MGAT5B: variants seen among roughly 807,000 people sequenced by gnomAD.
MGAT5B encodes the protein alpha-1,6-mannosylglycoprotein 6-beta-N-acetylglucosaminyltransferase B.
A neutral mutation model predicts 95.1 loss-of-function variants in MGAT5B; 54 were observed. The ratio of observed to expected loss-of-function variants is 0.57; its 90% CI spans 0.46 to 0.71. MGAT5B has a LOEUF of 0.71. Ranked by LOEUF, MGAT5B falls within the 30% of genes least tolerant of loss-of-function variation. MGAT5B has a pLI of 0.00. For synonymous variants in MGAT5B, 464 were observed against 451.0 expected (o/e 1.03, Z -0.36); for missense variants, 935 against 1,088.6 (o/e 0.86, Z 1.99).
At position 76,939,029 on chromosome 17, in the gene MGAT5B, G is replaced by GTGTGT. The variant is rs1555600423; in HGVS notation, c.1584+886_1584+887insTGTGT. 1.4e-3 allele frequency among the ~76,000 whole-genome samples: 183 copies of GTGTGT among 128,254 alleles called. 1 individual carries two copies. Among genetic ancestry groups the GTGTGT allele is most frequent in the Middle Eastern group, 4.0e-3 (1 of 252 alleles). 84.1% of individuals were successfully genotyped at this position (128,254 alleles called of 152,430 possible). A position where few individuals can be genotyped will look rare whatever the true frequency, so the allele number is the denominator to read the frequency against. On this transcript the variant is annotated intron_variant, in intron 13 of 17. Transcript: ENST00000569840. ...AGCTTGTTTCCCAAGGCATCTTGGG[G>GTGTGT]GTGTGTGTGTGTGTGTGTGTGTGTG... is the stretch of plus-strand genomic sequence containing the variant.
Position 76,902,677 on chromosome 17 carries a change from G to T in MGAT5B, c.445+7G>T, listed in dbSNP as rs761985793. 2 of 1,545,110 alleles carry T rather than the reference G, an allele frequency of 1.3e-6. No homozygotes were observed. Among genetic ancestry groups the T allele is most frequent in the Admixed American group, 3.7e-5 (2 of 54,062 alleles). On this transcript the variant is annotated splice_region_variant and intron_variant, in intron 4 of 17. Coordinates refer to ENST00000569840, the MANE Select transcript of MGAT5B (RefSeq NM_001199172.2). ...CTGCTCCTGCACAGCAAGGGTGGGT[G>T]CCAGGGGGCGGGGGTACCCTCTACC...
At position 76,869,308 on chromosome 17, in the gene MGAT5B, C is replaced by T. The variant is rs1753295915; in HGVS notation, c.68+211C>T. 2.0e-5 allele frequency among the ~76,000 whole-genome samples: 3 copies of T among 151,918 alleles called. No individual in the cohort carries two copies. Among genetic ancestry groups the T allele is most frequent in the African/African-American group, 7.3e-5 (3 of 41,372 alleles). ...GGGTTGTGTTATTCGGGGACCTGTC[C>T]CGAGTTGGGCAGGGTTGGAGAGGAC... On this transcript the variant is annotated intron_variant, in intron 1 of 17. Coordinates refer to ENST00000569840, the MANE Select transcript of MGAT5B (RefSeq NM_001199172.2). This position sits in a 1 kb window ranked among gnomAD's most constrained non-coding sequence, Gnocchi z 7.0.
rs563847353 is a variant in MGAT5B, at chr17:76,937,999, G to A, written c.1440G>A (p.Lys480=). The part of the protein sequence containing the change: ...ASIWKLQGKE[K]FLGILNKYME... ...TCTTCTTTTTCCAGGGGAAGGAGAAGTTCCTGGGCATCCTGAACAAATACA... is the reference window on the plus strand; with the variant it reads ...TCTTCTTTTTCCAGGGGAAGGAGAAATTCCTGGGCATCCTGAACAAATACA... Residue 480 remains lysine (K), a synonymous_variant, in exon 13 of 18, where the codon AAG becomes AAA. Transcript: ENST00000569840. 1.9e-6 allele frequency: 3 copies of A among 1,613,634 alleles called. No individual in the cohort carries two copies. The highest frequency in any genetic ancestry group is 2.7e-5 in the African/African-American group (2 of 74,928).
In MGAT5B at chr17:76,916,906, G is replaced by A. The variant is rs1037124025; in HGVS notation, c.1026-8060G>A. ...CTGGAAGGAGCCACCCACGGGAAGGGTCAAACTCAGGGGTTCCCGCCTCTT... is the reference window on the plus strand; with the variant it reads ...CTGGAAGGAGCCACCCACGGGAAGGATCAAACTCAGGGGTTCCCGCCTCTT... On this transcript the variant is annotated intron_variant, in intron 8 of 17. Coordinates refer to ENST00000569840, the MANE Select transcript of MGAT5B (RefSeq NM_001199172.2). This position sits in a 1 kb window ranked among gnomAD's most constrained non-coding sequence, Gnocchi z 5.3. Among the ~76,000 whole-genome samples the A allele has an allele frequency of 6.6e-6, 1 of 152,158 alleles. No individual in the cohort carries two copies. The highest frequency in any genetic ancestry group is 1.5e-5 in the Non-Finnish European group (1 of 68,036).
At chr17:76,910,807 C>T (rs969603447) in intron 8 of MGAT5B, among the ~76,000 whole-genome samples, 1 of 152,200 alleles carries the variant, frequency 6.6e-6, no homozygotes, top group Admixed American at 6.5e-5. Context: ...GATGCCCTGG[C>T]CCTTGGTCCC....
rs368768491 is a variant in MGAT5B at position 76,910,306 on chromosome 17, G to A, written c.1025+4119G>A. ...CTGCCACCGGCTCCCTCTGAACAGAGAGCCTGGAATATGCATCGATGCTGT... is the reference window on the plus strand; with the variant it reads ...CTGCCACCGGCTCCCTCTGAACAGAAAGCCTGGAATATGCATCGATGCTGT... On this transcript the variant is annotated intron_variant, in intron 8 of 17. Coordinates refer to ENST00000569840, the MANE Select transcript of MGAT5B (RefSeq NM_001199172.2). Among the ~76,000 whole-genome samples, 31 of 152,364 alleles carry A rather than the reference G, an allele frequency of 2.0e-4. No individual in the cohort carries two copies. The South Asian group carries it at 4.6e-3, about 22-fold the overall frequency.
rs140471018 is a variant in MGAT5B, at chr17:76,904,329, C to G, written c.597C>G (p.Ile199Met). 1.2e-6 allele frequency: 2 copies of G among 1,607,490 alleles called. No homozygotes were observed. The highest frequency in any genetic ancestry group is 8.5e-7 in the Non-Finnish European group (1 of 1,177,324). ...GVDGTECSFL[I>M]YLSEVEWFCP... is the part of the protein sequence containing the mutation. ...ACGGCACCGAGTGCTCCTTCCTCAT[C>G]TACCTCAGTGAGGTCGAGTGGTTCT... Residue 199 changes from isoleucine to methionine, a missense_variant, in exon 6 of 18, where the codon ATC (isoleucine) becomes ATG (methionine). Around this residue, in one of 4 missense-constraint regions of MGAT5B, gnomAD observed 243 missense variants for 305.5 expected, o/e 0.80. Coordinates refer to ENST00000569840, the MANE Select transcript of MGAT5B (RefSeq NM_001199172.2).
At chr17:76,872,752 G>A (rs766678030) in intron 1 of MGAT5B, 99 bp from the exon 2 acceptor site, 8 of 1,602,492 alleles carry the variant, frequency 5.0e-6, no homozygotes, top group Non-Finnish European at 6.0e-6. Context: ...CTTCACTCAT[G>A]CACTCATTCG....
Position 76,904,243 on chromosome 17 carries a change from T to C in MGAT5B, c.520-9T>C, listed in dbSNP as rs1251518815. The C allele has an allele frequency of 6.2e-7, 1 of 1,602,460 alleles. No homozygotes were observed. The highest frequency in any genetic ancestry group is 1.1e-5 in the South Asian group (1 of 88,842). On this transcript the variant is annotated splice_polypyrimidine_tract_variant and intron_variant, in intron 5 of 17. Coordinates refer to ENST00000569840, the MANE Select transcript of MGAT5B (RefSeq NM_001199172.2). Reference sequence around the variant, plus strand: ...CGCAGCCCCCTGCCCAGCCTGGCCCTCTCTGCAGTGGATGCGTGCCCGCTG... The same window carrying C: ...CGCAGCCCCCTGCCCAGCCTGGCCCCCTCTGCAGTGGATGCGTGCCCGCTG...
chr17:76,897,703 TTCTTTCTTTC>T (rs1968127093), intron 3 of MGAT5B, among the ~76,000 whole-genome samples: 1 of 112,924 alleles, frequency 8.9e-6, no homozygotes, highest in African/African-American at 4.6e-5. Context: ...CTTTCTTTCT[TTCTTTCTTTC>T]TTTCTTTCTT....
At chr17:76,882,009 G>A (rs1967438150) in intron 2 of MGAT5B, 142 bp from the exon 3 acceptor site, 2 of 805,810 alleles carry the variant, frequency 2.5e-6, no homozygotes, top group Non-Finnish European at 3.8e-6. Context: ...TGCCTGGGAA[G>A]ATGGAGCTGA....
intron 3 of MGAT5B, among the ~76,000 whole-genome samples, chr17:76,899,859 T>G (rs1968242154): frequency 6.6e-6 from 1 of 151,956 alleles, no homozygotes; most frequent in Admixed American, 6.5e-5. Flanking sequence ...AGAACACTGG[T>G]TCTTGAAACA....
At position 76,902,549 on chromosome 17, in the gene MGAT5B, A is replaced by T; in HGVS notation, c.330-6A>T. The stretch of plus-strand genomic sequence containing the variant: ...CTGTGGCTCACCTCTGGCTTTTCCC[A>T]CTTAGGATGCCCCCTGGGGCCGGCC... On this transcript the variant is annotated splice_polypyrimidine_tract_variant and splice_region_variant and intron_variant, in intron 3 of 17. Coordinates refer to ENST00000569840, the MANE Select transcript of MGAT5B (RefSeq NM_001199172.2). The T allele has an allele frequency of 6.4e-7, 1 of 1,574,222 alleles. No homozygotes were observed. Among genetic ancestry groups the T allele is most frequent in the African/African-American group, 1.4e-5 (1 of 73,900 alleles).
intron 2 of MGAT5B, among the ~76,000 whole-genome samples, chr17:76,874,715 A>C (rs894939): frequency 0.3 from 45,074 of 151,794 alleles, 7,409 homozygotes; most frequent in East Asian, 0.53. Context: ...TAACTCACCT[A>C]CCCCATGGCT....
chr17:76,918,020 T>C lies in MGAT5B; in HGVS notation c.1026-6946T>C, dbSNP rs894948. ...GCTGGCAGCCAGCGGGGTGAGTGTG[T>C]GGTCTCCTCCAGCTCTCCTGGGAGC... On this transcript the variant is annotated intron_variant, in intron 8 of 17. Transcript: ENST00000569840. This position sits in a 1 kb window ranked among gnomAD's most constrained non-coding sequence, Gnocchi z 5.1. Among the ~76,000 whole-genome samples the C allele has an allele frequency of 0.39, 58,769 of 152,078 alleles. 13,143 individuals are homozygous for C. Among genetic ancestry groups the C allele is most frequent in the East Asian group, 0.7 (3,623 of 5,160 alleles).
intron 2 of MGAT5B, 119 bp from the exon 3 acceptor site, chr17:76,882,032 G>C: frequency 1.0e-6 from 1 of 999,798 alleles, no homozygotes. Flanking sequence ...CTGGGGTCTG[G>C]TGTTGGTTGG....
At position 76,948,889 on chromosome 17, in the gene MGAT5B, G is replaced by A. The variant is rs749244206; in HGVS notation, c.*51G>A. On this transcript the variant is annotated 3_prime_UTR_variant, in exon 18 of 18. Transcript: ENST00000569840. Reference sequence around the variant, plus strand: ...ACCCACGCTGGCTCTCTCCTGCCGCGGGAGAAAGCACCAGCAGGTTCTGAG... The same window carrying A: ...ACCCACGCTGGCTCTCTCCTGCCGCAGGAGAAAGCACCAGCAGGTTCTGAG... 6.1e-5 allele frequency: 92 copies of A among 1,503,918 alleles called. No individual in the cohort carries two copies. Among genetic ancestry groups the A allele is most frequent in the Non-Finnish European group, 7.7e-5 (86 of 1,120,132 alleles). The allele number at this position is 1,503,918 out of a possible 1,614,324, so 93.2% of individuals were successfully genotyped here.
At position 76,915,768 on chromosome 17, in the gene MGAT5B, T is replaced by TA. The variant is rs1393450749; in HGVS notation, c.1026-9193dup. 6.6e-6 allele frequency among the ~76,000 whole-genome samples: 1 copy of TA among 152,156 alleles called. No homozygotes were observed. Among genetic ancestry groups the TA allele is most frequent in the Non-Finnish European group, 1.5e-5 (1 of 68,006 alleles). On this transcript the variant is annotated intron_variant, in intron 8 of 17. Coordinates refer to ENST00000569840, the MANE Select transcript of MGAT5B (RefSeq NM_001199172.2). The surrounding 1 kb of genome is among the most constrained non-coding windows in gnomAD (Gnocchi z 8.7). ...CGAGAGGCCGACGATTACAATTCAC[T>TA]AAAAATCCCCGGCCCCTCTCCTGTC...
intron 15 of MGAT5B, among the ~76,000 whole-genome samples, chr17:76,944,792 T>C (rs1044767094): frequency 6.6e-6 from 1 of 151,916 alleles, no homozygotes; most frequent in African/African-American, 2.4e-5. Context: ...CCAGGACGAG[T>C]CTCCTAAGAA....
Sources: allele counts gnomAD v4.1 joint callset (sites outside exome capture counted in the v4.1 genomes callset), GRCh38; gene constraint gnomAD v4.1.1; regional missense constraint gnomAD v4.1.1; non-coding constraint Gnocchi (gnomAD v3.1); transcripts MANE v1.5; gene names NCBI Gene and HGNC (gene_info 2026-07-23, HGNC 2026-07-21).